Variants in KCNG3 observed in about 807,000 individuals in gnomAD.
The protein encoded by KCNG3 is potassium voltage-gated channel modifier subfamily G member 3.
A neutral mutation model predicts 29.0 loss-of-function variants in KCNG3; 15 were observed. The ratio of observed to expected loss-of-function variants is 0.52; its 90% CI spans 0.35 to 0.80. The LOEUF is 0.80. Among genes scored for constraint, KCNG3 ranks in the 30% least tolerant of loss-of-function variants. KCNG3 has a pLI of 0.01. For missense variants in KCNG3, 512 were observed against 605.7 expected, an observed-to-expected ratio of 0.85 and a Z score of 1.62; for synonymous variants, 322 against 248.9, an observed-to-expected ratio of 1.29 and a Z score of -2.76.
At chr2:42,412,863 C>G in the KCNG3 span, among the ~76,000 whole-genome samples, 37 of 152,178 alleles carry the variant, frequency 2.4e-4, no homozygotes, top group Non-Finnish European at 4.1e-4. Flanking sequence ...CTGCTGGCGT[C>G]TGAAATACCT....
At chr2:42,459,235 A>G (rs1672954360) in intron 1 of KCNG3, among the ~76,000 whole-genome samples, 2 of 151,380 alleles carry the variant, frequency 1.3e-5, no homozygotes, top group Non-Finnish European at 2.9e-5. Flanking sequence ...GAGAAGACAG[A>G]ATGGTATTAT....
At chr2:42,467,103 A>G (rs1178785934) in intron 1 of KCNG3, among the ~76,000 whole-genome samples, 1 of 152,170 alleles carries the variant, frequency 6.6e-6, no homozygotes, top group African/African-American at 2.4e-5. Context: ...CACTCCATGA[A>G]GATAAATGTG....
intron 1 of KCNG3, among the ~76,000 whole-genome samples, chr2:42,488,718 T>C (rs944035183): frequency 6.6e-5 from 10 of 151,852 alleles, no homozygotes; most frequent in African/African-American, 2.4e-4. Context: ...CTCAGCTAAT[T>C]TTTGTATTTT....
rs1022161301 is a variant in KCNG3 at position 42,442,207 on chromosome 2, C to T, written c.*1727G>A. On this transcript the variant is annotated 3_prime_UTR_variant, in exon 2 of 2. Transcript: ENST00000306078. ...TTTTGGGTATGTAAGAAGTAGCATA[C>T]TAGCAGTAATAGGGAAAATAGGGCA... 2.6e-5 allele frequency: 4 copies of T among 152,014 alleles called. No homozygotes were observed. Among genetic ancestry groups the T allele is most frequent in the Non-Finnish European group, 5.9e-5 (4 of 68,000 alleles). 9.4% of individuals were successfully genotyped at this position (152,014 alleles called of 1,614,324 possible).
intron 1 of KCNG3, among the ~76,000 whole-genome samples, chr2:42,478,878 A>G (rs552632650): frequency 3.9e-5 from 6 of 152,146 alleles, no homozygotes; most frequent in Non-Finnish European, 7.3e-5. Context: ...ATACATTACT[A>G]AAACAGCTGT....
At chr2:42,488,163 T>C (rs923509497) in intron 1 of KCNG3, among the ~76,000 whole-genome samples, 2 of 152,232 alleles carry the variant, frequency 1.3e-5, no homozygotes, top group African/African-American at 4.8e-5. Flanking sequence ...GAACCGTTTT[T>C]ATATGATTAT....
chr2:42,493,296 G>T lies in KCNG3; in HGVS notation c.206C>A (p.Ala69Asp). 2 of 1,611,410 alleles carry T rather than the reference G, an allele frequency of 1.2e-6. No homozygotes were observed. Among genetic ancestry groups the T allele is most frequent in the Non-Finnish European group, 1.7e-6 (2 of 1,179,374 alleles). The change falls in exon 1 of 2, where the codon GCC (alanine) becomes GAC (aspartate). Residue 69 changes from alanine to aspartate, a missense_variant. By Grantham distance (126) the Ala-to-Asp change is moderately radical (BLOSUM62 -2). Transcript: ENST00000306078. ...NEYFFDRHSE[A>D]FGFILLYVRG... is the part of the protein sequence containing the mutation. The stretch of plus-strand genomic sequence containing the variant: ...CACGTAGAGCAGGATGAAGCCGAAG[G>T]CCTCCGAGTGCCGGTCGAAGAAGTA...
At chr2:42,441,286 G>C (rs746665849), downstream of KCNG3, among the ~76,000 whole-genome samples, 1 of 152,112 alleles carries the variant, frequency 6.6e-6, no homozygotes, top group African/African-American at 2.4e-5. Flanking sequence ...AACTTGGGAG[G>C]CTGGGGTGGG....
At chr2:42,408,512 T>C in the KCNG3 span, among the ~76,000 whole-genome samples, 1 of 151,906 alleles carries the variant, frequency 6.6e-6, no homozygotes, top group Non-Finnish European at 1.5e-5. Flanking sequence ...GCTGCAGAGA[T>C]TTTGGGACAA....
At chr2:42,452,243 A>ATATATATATATATATATATATTT in intron 1 of KCNG3, among the ~76,000 whole-genome samples, 50 of 95,018 alleles carry the variant, frequency 5.3e-4, no homozygotes, top group East Asian at 2.3e-3. Context: ...ATATATATAT[A>ATATATATATATATATATATATTT]TTTTTTTTTT....
At chr2:42,451,810 G>C (rs1672761466) in intron 1 of KCNG3, among the ~76,000 whole-genome samples, 1 of 151,880 alleles carries the variant, frequency 6.6e-6, no homozygotes, top group African/African-American at 2.4e-5. Flanking sequence ...TGAGGTGGGA[G>C]GATCCCCTGA....
At chr2:42,482,611 C>G (rs1673616920) in intron 1 of KCNG3, among the ~76,000 whole-genome samples, 1 of 152,162 alleles carries the variant, frequency 6.6e-6, no homozygotes, top group South Asian at 2.1e-4. Flanking sequence ...CCCCTGTAAT[C>G]CCAGCTACTC....
At chr2:42,395,317 T>TC in the KCNG3 span, among the ~76,000 whole-genome samples, 2 of 151,982 alleles carry the variant, frequency 1.3e-5, no homozygotes. Context: ...CACACAGCAC[T>TC]CCCTTTTACA....
At chr2:42,457,315 T>C (rs1172439710) in intron 1 of KCNG3, among the ~76,000 whole-genome samples, 1 of 145,948 alleles carries the variant, frequency 6.9e-6, no homozygotes, top group Non-Finnish European at 1.5e-5. Flanking sequence ...CGAAACTCCA[T>C]CTCTGCAAAA....
the KCNG3 span, among the ~76,000 whole-genome samples, chr2:42,418,983 C>T: frequency 6.6e-6 from 1 of 152,044 alleles, no homozygotes; most frequent in African/African-American, 2.4e-5. Flanking sequence ...TTGAACAAAG[C>T]TGAAGCTTAT....
the KCNG3 span, among the ~76,000 whole-genome samples, chr2:42,409,731 T>TAAAAAAA: frequency 4.3e-4 from 33 of 77,100 alleles, no homozygotes; most frequent in African/African-American, 1.3e-3. Context: ...AAAAAAAAAT[T>TAAAAAAA]TTTTTTTAAA....
chr2:42,464,609 T>C (rs950138226), intron 1 of KCNG3, among the ~76,000 whole-genome samples: 2 of 152,204 alleles, frequency 1.3e-5, no homozygotes, highest in African/African-American at 4.8e-5. Context: ...CTCTCCGCCT[T>C]GTACCATCTG....
In KCNG3 at chr2:42,443,768, T is replaced by A. The variant is rs965732866; in HGVS notation, c.*166A>T. Reference sequence around the variant, plus strand: ...CCTTTGCAGTCTCAATTCTATTTACTCCATAACAAGTAAACTGTTTTATCC... The same window carrying A: ...CCTTTGCAGTCTCAATTCTATTTACACCATAACAAGTAAACTGTTTTATCC... On this transcript the variant is annotated 3_prime_UTR_variant, in exon 2 of 2. Transcript: ENST00000306078. The A allele has an allele frequency of 5.0e-5, 31 of 621,358 alleles. No individual in the cohort carries two copies. The highest frequency in any genetic ancestry group is 7.4e-5 in the Non-Finnish European group (27 of 364,896). 38.5% of individuals were successfully genotyped at this position (621,358 alleles called of 1,614,324 possible). A position where few individuals can be genotyped will look rare whatever the true frequency, so the allele number is the denominator to read the frequency against.
chr2:42,388,928 T>C, the KCNG3 span, among the ~76,000 whole-genome samples: 3 of 152,116 alleles, frequency 2.0e-5, no homozygotes, highest in African/African-American at 7.2e-5. Flanking sequence ...TTTGTTTGTA[T>C]TTTATTTGAG....
Sources: allele counts gnomAD v4.1 joint callset (sites outside exome capture counted in the v4.1 genomes callset), GRCh38; gene constraint gnomAD v4.1.1; transcripts MANE v1.5; gene names NCBI Gene and HGNC (gene_info 2026-07-23, HGNC 2026-07-21).